Variants in DENND1A observed in about 807,000 individuals in gnomAD.
The protein encoded by DENND1A is DENN domain-containing protein 1A.
DENND1A carries 51 observed loss-of-function variants against 113.7 expected under a neutral mutation model. The observed-to-expected ratio is 0.45, with a 90% confidence interval of 0.36 to 0.57. The LOEUF (loss-of-function observed/expected upper bound fraction) is 0.57. Ranked by LOEUF, DENND1A falls within the 20% of genes least tolerant of loss-of-function variation. The probability of loss-of-function intolerance (pLI) is 0.00; values close to 1 mark genes in which losing one functional copy is unlikely to be tolerated. For synonymous variants in DENND1A, 565 were observed against 570.8 expected (o/e 0.99, Z 0.14); for missense variants, 1,258 against 1,395.9 (o/e 0.90, Z 1.57).
At chr9:123,415,758 G>A (rs570526878) in intron 19 of DENND1A, among the ~76,000 whole-genome samples, 2 of 152,322 alleles carry the variant, frequency 1.3e-5, no homozygotes, top group South Asian at 4.1e-4. Context: ...GGGATGCGGG[G>A]CATCTGATGG....
intron 12 of DENND1A, among the ~76,000 whole-genome samples, chr9:123,571,026 G>A (rs992930840): frequency 1.3e-5 from 2 of 151,940 alleles, no homozygotes; most frequent in Non-Finnish European, 2.9e-5. Context: ...CACTACTTTG[G>A]CAACTTTCAT....
chr9:123,411,984 G>A (rs2044343082), intron 19 of DENND1A, among the ~76,000 whole-genome samples, 155 bp from the exon 20 acceptor site: 1 of 152,142 alleles, frequency 6.6e-6, no homozygotes, highest in Admixed American at 6.5e-5. Flanking sequence ...CACCTTTTGA[G>A]GCCGTCTCCT....
intron 5 of DENND1A, among the ~76,000 whole-genome samples, chr9:123,726,191 G>A (rs933747562): frequency 6.6e-5 from 10 of 152,284 alleles, no homozygotes; most frequent in Non-Finnish European, 1.2e-4. Context: ...TAATGGCCTA[G>A]TCTGCAACAA....
At chr9:123,448,784 A>T (rs1012150648) in intron 18 of DENND1A, among the ~76,000 whole-genome samples, 3 of 152,246 alleles carry the variant, frequency 2.0e-5, no homozygotes, top group African/African-American at 7.2e-5. Flanking sequence ...AAGAATTTAA[A>T]TGCTTAGTCA....
chr9:123,708,521 A>G (rs905763802), intron 5 of DENND1A, among the ~76,000 whole-genome samples: 2 of 152,170 alleles, frequency 1.3e-5, no homozygotes, highest in Non-Finnish European at 2.9e-5. Flanking sequence ...TCAGTTTTTT[A>G]GCATGTTGCA....
intron 12 of DENND1A, 57 bp downstream of exon 12, chr9:123,583,112 G>T: frequency 7.5e-7 from 1 of 1,334,084 alleles, no homozygotes; most frequent in Non-Finnish European, 1.1e-6. Context: ...CCAAAGTCAC[G>T]TTCATTTCCT....
chr9:123,813,467 C>T (rs1296739446), intron 2 of DENND1A, among the ~76,000 whole-genome samples: 1 of 151,182 alleles, frequency 6.6e-6, no homozygotes, highest in Non-Finnish European at 1.5e-5. Flanking sequence ...CTGGTGATAA[C>T]CTTTTTATTT....
chr9:123,840,378 G>C (rs765463985), intron 2 of DENND1A, among the ~76,000 whole-genome samples: 1 of 150,464 alleles, frequency 6.6e-6, no homozygotes, highest in Non-Finnish European at 1.5e-5. Flanking sequence ...AAAAAAAAAA[G>C]ACTATTTAAA....
At chr9:123,566,940 CAA>C (rs1491551192) in intron 12 of DENND1A, among the ~76,000 whole-genome samples, 2 of 150,980 alleles carry the variant, frequency 1.3e-5, no homozygotes, top group Non-Finnish European at 3.0e-5. Flanking sequence ...CACACACACA[CAA>C]ACACACACAC....
At chr9:123,867,731 C>G (rs1025289142) in intron 2 of DENND1A, among the ~76,000 whole-genome samples, 3 of 152,090 alleles carry the variant, frequency 2.0e-5, no homozygotes, top group East Asian at 3.9e-4. Flanking sequence ...TCTCCCCCTG[C>G]TCCCCCAACA....
At chr9:123,432,385 C>T (rs1002194038) in intron 19 of DENND1A, among the ~76,000 whole-genome samples, 1 of 152,194 alleles carries the variant, frequency 6.6e-6, no homozygotes, top group Non-Finnish European at 1.5e-5. Context: ...GAGAAATGCA[C>T]CACCAATTAG....
intron 8 of DENND1A, among the ~76,000 whole-genome samples, chr9:123,653,923 A>G (rs986949712): frequency 1.3e-5 from 2 of 151,462 alleles, no homozygotes; most frequent in African/African-American, 4.8e-5. Context: ...CTGGAGGCTC[A>G]GGAAGTCTCA....
chr9:123,748,438 A>G (rs1381004541), intron 5 of DENND1A, among the ~76,000 whole-genome samples: 1 of 152,222 alleles, frequency 6.6e-6, no homozygotes, highest in Non-Finnish European at 1.5e-5. Context: ...TCAAACTTCA[A>G]TCATGGTACT....
intron 2 of DENND1A, among the ~76,000 whole-genome samples, chr9:123,848,108 G>A (rs763997982): frequency 7.9e-5 from 12 of 151,570 alleles, no homozygotes; most frequent in Non-Finnish European, 1.8e-4. Context: ...ATACAATCTT[G>A]TATTGTCCAG....
At chr9:123,530,537 A>G (rs1020476577) in intron 13 of DENND1A, among the ~76,000 whole-genome samples, 2 of 152,238 alleles carry the variant, frequency 1.3e-5, no homozygotes, top group Non-Finnish European at 2.9e-5. Context: ...TAATTCAGCA[A>G]GAAGAAAAGT....
chr9:123,848,228 TAAAAAAAAAAA>T lies in DENND1A; in HGVS notation c.88+30712_88+30722del, dbSNP rs375535777. On this transcript the variant is annotated intron_variant, in intron 2 of 23. Coordinates refer to ENST00000394215, the MANE Select transcript of DENND1A (RefSeq NM_001352964.2). Reference sequence around the variant, plus strand: ...TTATTGCACTTCAAAGATACTGCTTTAAAAAAAAAAAAAAAAAAAAAAAAAAAAACAAATTG... The same window carrying T: ...TTATTGCACTTCAAAGATACTGCTTTAAAAAAAAAAAAAAAAAACAAATTG... 8.6e-3 allele frequency among the ~76,000 whole-genome samples: 522 copies of T among 60,532 alleles called. 5 individuals carry two copies. The highest frequency in any genetic ancestry group is 0.032 in the African/African-American group (441 of 13,926). 39.7% of individuals were successfully genotyped at this position (60,532 alleles called of 152,430 possible).
At chr9:123,689,588 T>G (rs1207086309) in intron 5 of DENND1A, among the ~76,000 whole-genome samples, 1 of 152,166 alleles carries the variant, frequency 6.6e-6, no homozygotes, top group Non-Finnish European at 1.5e-5. Context: ...AGAGAATGGC[T>G]AGAGAGATTA....
intron 13 of DENND1A, among the ~76,000 whole-genome samples, chr9:123,460,777 A>G (rs2048463859): frequency 6.6e-6 from 1 of 152,240 alleles, no homozygotes; most frequent in African/African-American, 2.4e-5. Context: ...TCTTCTGGCT[A>G]GAGTGCTTTC....
In DENND1A at chr9:123,706,770, C is replaced by CAA. The variant is rs575483682; in HGVS notation, c.303-29983_303-29982dup. Reference sequence around the variant, plus strand: ...TGGGTGACAGAGCGAGACTCCGTCTCAAAAAAAAAAAAAAAAAAAAAAAAA... The same window carrying CAA: ...TGGGTGACAGAGCGAGACTCCGTCTCAAAAAAAAAAAAAAAAAAAAAAAAAAA... On this transcript the variant is annotated intron_variant, in intron 5 of 23. Transcript: ENST00000394215. 3.3e-3 allele frequency among the ~76,000 whole-genome samples: 174 copies of CAA among 53,536 alleles called. 8 individuals carry two copies. Among genetic ancestry groups the CAA allele is most frequent in the Middle Eastern group, 0.031 (2 of 64 alleles). The allele number at this position is 53,536 out of a possible 152,430, so 35.1% of individuals were successfully genotyped here. A position where few individuals can be genotyped will look rare whatever the true frequency, so the allele number is the denominator to read the frequency against.
Sources: allele counts gnomAD v4.1 joint callset (sites outside exome capture counted in the v4.1 genomes callset), GRCh38; gene constraint gnomAD v4.1.1; transcripts MANE v1.5; gene names NCBI Gene and HGNC (gene_info 2026-07-23, HGNC 2026-07-21).